SDK2: variants seen among roughly 807,000 people sequenced by gnomAD.
SDK2 encodes protein sidekick-2.
A neutral mutation model predicts 253.9 loss-of-function variants in SDK2; 105 were observed. That is an observed-to-expected ratio of 0.41 (90% CI 0.35 to 0.49). The LOEUF is 0.49. Ranked by LOEUF, SDK2 falls within the 20% of genes least tolerant of loss-of-function variation. SDK2 has a pLI of 0.06. For missense variants in SDK2, 2,608 were observed against 3,003.0 expected (o/e 0.87, Z 3.07); for synonymous variants, 1,249 against 1,234.9 (o/e 1.01, Z -0.24).
intron 6 of SDK2, 54 bp downstream of exon 6, chr17:73,440,753 AGTTTG>A: frequency 7.9e-7 from 1 of 1,270,222 alleles, no homozygotes; most frequent in East Asian, 2.5e-5. Context: ...TGGAGCCCGC[AGTTTG>A]GGAGCAGCAG....
chr17:73,338,764 G>T lies in SDK2; in HGVS notation c.6342C>A (p.Thr2114=), dbSNP rs774854358. 2 of 1,613,864 alleles carry T rather than the reference G, an allele frequency of 1.2e-6. No homozygotes were observed. The highest frequency in any genetic ancestry group is 4.5e-5 in the East Asian group (2 of 44,866). The stretch of plus-strand genomic sequence containing the variant: ...GCTGGGTGCTGGTGCTGTTGGTGAC[G>T]GTGGTGTGGTCTGGCTCACCCGAGT... ...ESDSGEPDHT[T]VTNSTSTQQG... The change falls in exon 45 of 45, where the codon ACC becomes ACA. Residue 2114 remains threonine (T), a synonymous_variant. Transcript: ENST00000392650. This position sits in a 1 kb window ranked among gnomAD's most constrained non-coding sequence, Gnocchi z 5.0.
chr17:73,632,206 G>A lies in SDK2; in HGVS notation c.64+11819C>T, dbSNP rs576131376. On this transcript the variant is annotated intron_variant, in intron 1 of 44. Coordinates refer to ENST00000392650, the MANE Select transcript of SDK2 (RefSeq NM_001144952.2). ...TTGAAGGATGCAAAGTATGGTTCTT[G>A]GGTGTGTCTATGAGGGTGTTGCCAA... 7.9e-5 allele frequency among the ~76,000 whole-genome samples: 12 copies of A among 152,342 alleles called. No homozygotes were observed. In the East Asian group the frequency reaches 2.3e-3, roughly 29 times the overall value.
rs1177354829 is a variant in SDK2 at position 73,573,061 on chromosome 17, A to G, written c.65-65464T>C. Among the ~76,000 whole-genome samples, 5 of 152,150 alleles carry G rather than the reference A, an allele frequency of 3.3e-5. No homozygotes were observed. The South Asian group carries it at 6.2e-4, about 19-fold the overall frequency. On this transcript the variant is annotated intron_variant, in intron 1 of 44. Coordinates refer to ENST00000392650, the MANE Select transcript of SDK2 (RefSeq NM_001144952.2). ...GTGACTGCCCCATGGCCCTGCTACT[A>G]TGGGGCAACACCACCTCCTTGGAGG...
At chr17:73,385,509 C>T (rs891618988) in intron 32 of SDK2, among the ~76,000 whole-genome samples, 2 of 152,150 alleles carry the variant, frequency 1.3e-5, no homozygotes, top group African/African-American at 2.4e-5. Flanking sequence ...AAGGCTAATA[C>T]ACCTGGCCCT....
At chr17:73,591,810 G>C (rs1220189287) in intron 1 of SDK2, among the ~76,000 whole-genome samples, 1 of 152,150 alleles carries the variant, frequency 6.6e-6, no homozygotes, top group African/African-American at 2.4e-5. Flanking sequence ...ATGCTTATCT[G>C]TGGGGTGGGG....
rs2062827165 is a variant in SDK2, at chr17:73,381,094, T to G, written c.4706-144A>C. The G allele has an allele frequency of 9.5e-6, 6 of 634,238 alleles. No individual in the cohort carries two copies. In the East Asian group the frequency reaches 1.6e-4, roughly 17 times the overall value. The allele number at this position is 634,238 out of a possible 1,614,324, so 39.3% of individuals were successfully genotyped here. ...CAGACAGGAAGAGTGTTTCCAAATT[T>G]CCAATGCTGAGTTACGGGCCAGGAT... On this transcript the variant is annotated intron_variant, in intron 33 of 44. Transcript: ENST00000392650.
rs142576395 is a variant in SDK2 at position 73,402,205 on chromosome 17, C to T, written c.2485-64G>A. 66 of 1,518,548 alleles carry T rather than the reference C, an allele frequency of 4.3e-5. No individual in the cohort carries two copies. In the African/African-American group the frequency reaches 7.8e-4, roughly 18 times the overall value. The allele number at this position is 1,518,548 out of a possible 1,614,324, so 94.1% of individuals were successfully genotyped here. On this transcript the variant is annotated intron_variant, in intron 18 of 44. Transcript: ENST00000392650. ...GGTTCCAGAGGAGGCCAAGCCCTCT[C>T]CCACAGGCTGGGCCAATCAACAGAT...
intron 5 of SDK2, among the ~76,000 whole-genome samples, chr17:73,445,555 G>A (rs2063447273): frequency 6.6e-6 from 1 of 152,148 alleles, no homozygotes; most frequent in African/African-American, 2.4e-5. Flanking sequence ...AAGAGGTGCA[G>A]AAAGCTGGAC....
intron 17 of SDK2, 125 bp from the exon 18 acceptor site, chr17:73,414,884 A>C (rs908962492): frequency 1.6e-6 from 1 of 634,074 alleles, no homozygotes; most frequent in South Asian, 1.8e-5. Context: ...ACCCCACCCC[A>C]ACTCCTCCCT....
At chr17:73,610,725 C>A (rs1340605996) in intron 1 of SDK2, among the ~76,000 whole-genome samples, 1 of 151,886 alleles carries the variant, frequency 6.6e-6, no homozygotes, top group Non-Finnish European at 1.5e-5. Context: ...TTAGGTGTGC[C>A]CAGGAAGGAT....
chr17:73,636,693 AAAAAAAAAAAAAAG>A (rs1355249691), intron 1 of SDK2, among the ~76,000 whole-genome samples: 21 of 149,938 alleles, frequency 1.4e-4, no homozygotes, highest in African/African-American at 5.1e-4. Flanking sequence ...AAAAAAAAAA[AAAAAAAAAAAAAAG>A]AAAAGAAAAG....
chr17:73,365,206 C>A, intron 38 of SDK2, 52 bp downstream of exon 38: 1 of 1,446,592 alleles, frequency 6.9e-7, no homozygotes, highest in Non-Finnish European at 9.3e-7. Flanking sequence ...GAGATGAGAG[C>A]GAGCTTTTGC....
intron 1 of SDK2, among the ~76,000 whole-genome samples, chr17:73,564,120 C>A (rs1026157089): frequency 6.6e-6 from 1 of 152,180 alleles, no homozygotes; most frequent in Non-Finnish European, 1.5e-5. Flanking sequence ...CCTTGCTTTA[C>A]GTTTTTCTGT....
intron 1 of SDK2, among the ~76,000 whole-genome samples, chr17:73,640,557 C>G (rs146466444): frequency 6.6e-6 from 1 of 152,184 alleles, no homozygotes; most frequent in Non-Finnish European, 1.5e-5. Flanking sequence ...GCACGACACT[C>G]GGCCTCCTGG....
intron 1 of SDK2, among the ~76,000 whole-genome samples, chr17:73,606,824 G>A (rs1216076808): frequency 6.6e-6 from 1 of 152,188 alleles, no homozygotes; most frequent in Non-Finnish European, 1.5e-5. Context: ...CATTCTGGGA[G>A]TGGTGACATA....
At position 73,335,890 on chromosome 17, in the gene SDK2, G is replaced by A. The variant is rs1032950824; in HGVS notation, c.*2697C>T. ...TTGTGTGTGCATGTGTGTAAGCACA[G>A]GCGTGCATGGGCACCATCCCGCATG... On this transcript the variant is annotated 3_prime_UTR_variant, in exon 45 of 45. Coordinates refer to ENST00000392650, the MANE Select transcript of SDK2 (RefSeq NM_001144952.2). 2.0e-5 allele frequency: 3 copies of A among 152,370 alleles called. No individual in the cohort carries two copies. Among genetic ancestry groups the A allele is most frequent in the African/African-American group, 7.2e-5 (3 of 41,472 alleles). 9.4% of individuals were successfully genotyped at this position (152,370 alleles called of 1,614,324 possible).
chr17:73,338,795 T>G lies in SDK2; in HGVS notation c.6311A>C (p.Glu2104Ala). 1 of 1,613,950 alleles carries G rather than the reference T, an allele frequency of 6.2e-7. No homozygotes were observed. Among genetic ancestry groups the G allele is most frequent in the South Asian group, 1.1e-5 (1 of 91,066 alleles). The change falls in exon 45 of 45, where the codon GAG (glutamate) becomes GCG (alanine). Residue 2104 changes from glutamate (E) to alanine (A), a missense_variant. Glu to Ala is a moderately radical substitution (Grantham distance 107). This residue lies in a region of SDK2 where 1,103 missense variants were observed against 1,143.9 expected (regional missense o/e 0.96). Coordinates refer to ENST00000392650, the MANE Select transcript of SDK2 (RefSeq NM_001144952.2). This position sits in a 1 kb window ranked among gnomAD's most constrained non-coding sequence, Gnocchi z 5.0. ...ISRAQAYSYTESDSGEPDHTT... is the reference protein window; with the variant it reads ...ISRAQAYSYTASDSGEPDHTT... ...GTGGTCTGGCTCACCCGAGTCGCTC[T>G]CCGTGTAGCTGTAGGCCTGTGCCCT...
In SDK2 at chr17:73,347,413, G is replaced by A. The variant is rs540374235; in HGVS notation, c.6165+1186C>T. On this transcript the variant is annotated intron_variant, in intron 44 of 44. Transcript: ENST00000392650. ...TCCCCCACAATAAGTTCCTGGGTAA[G>A]CCATGCTAAGTTGGGGGTCTCTGTC... 5.3e-5 allele frequency among the ~76,000 whole-genome samples: 8 copies of A among 152,300 alleles called. No individual in the cohort carries two copies. In the East Asian group the frequency reaches 1.5e-3, roughly 29 times the overall value.
chr17:73,339,893 C>G (rs190846468), intron 44 of SDK2, among the ~76,000 whole-genome samples: 2 of 149,792 alleles, frequency 1.3e-5, no homozygotes, highest in Admixed American at 6.6e-5. Flanking sequence ...TTTTTTGATA[C>G]GCAGTTTCAC....
Sources: gnomAD v4.1 joint callset for allele counts (sites outside exome capture counted in the v4.1 genomes callset) on GRCh38, gnomAD v4.1.1 for gene constraint, gnomAD v4.1.1 regional missense constraint, Gnocchi (gnomAD v3.1) non-coding constraint, MANE v1.5 for transcripts, NCBI Gene and HGNC (gene_info 2026-07-23, HGNC 2026-07-21) for gene names.